Variants in PIK3C2A observed in about 807,000 individuals in gnomAD.
The protein encoded by PIK3C2A is phosphatidylinositol 4-phosphate 3-kinase C2 domain-containing subunit alpha.
A neutral mutation model predicts 204.5 loss-of-function variants in PIK3C2A; 97 were observed. The ratio of observed to expected loss-of-function variants is 0.47; its 90% CI spans 0.40 to 0.56. The LOEUF (loss-of-function observed/expected upper bound fraction) is 0.56, where lower values mean the gene tolerates loss of function less well. Ranked by LOEUF, PIK3C2A falls within the 20% of genes least tolerant of loss-of-function variation. PIK3C2A has a pLI of 0.00. For synonymous variants in PIK3C2A, 653 were observed against 664.4 expected (o/e 0.98, Z 0.26); for missense variants, 1,735 against 1,969.2 (o/e 0.88, Z 2.25).
intron 13 of PIK3C2A, among the ~76,000 whole-genome samples, chr11:17,125,636 T>C (rs531530791): frequency 6.6e-6 from 1 of 152,160 alleles, no homozygotes; most frequent in South Asian, 2.1e-4. Flanking sequence ...CGTCTCAGCC[T>C]CCCAAGTAGC....
intron 1 of PIK3C2A, chr11:17,194,500 C>G (rs988800024): frequency 6.5e-6 from 1 of 154,514 alleles, no homozygotes. Flanking sequence ...AAAAGAAAAA[C>G]TGAGTTTCTG....
chr11:17,143,853 C>T (rs1161952691), intron 8 of PIK3C2A, among the ~76,000 whole-genome samples: 1 of 152,062 alleles, frequency 6.6e-6, no homozygotes, highest in African/African-American at 2.4e-5. Flanking sequence ...GGGAGAATCA[C>T]CTGAACCCAG....
At chr11:17,175,945 C>T (rs908898917) in intron 1 of PIK3C2A, among the ~76,000 whole-genome samples, 2 of 151,758 alleles carry the variant, frequency 1.3e-5, no homozygotes, top group Non-Finnish European at 2.9e-5. Flanking sequence ...AGATATTTGT[C>T]CCCCCAAATG....
Position 17,103,979 on chromosome 11 carries a change from G to C in PIK3C2A, c.3682-1148C>G, listed in dbSNP as rs150099984. ...GATCACAAAGAAGTATGAAAAGGGA[G>C]TGATCTCACAGTTTAAAAGATCTAA... On this transcript the variant is annotated intron_variant, in intron 23 of 32. Transcript: ENST00000691414. 2.0e-5 allele frequency among the ~76,000 whole-genome samples: 3 copies of C among 152,280 alleles called. No homozygotes were observed. In the East Asian group the frequency reaches 5.8e-4, roughly 29 times the overall value.
chr11:17,122,948 G>A (rs1260118962), intron 13 of PIK3C2A, 135 bp from the exon 14 acceptor site: 1 of 559,438 alleles, frequency 1.8e-6, no homozygotes, highest in Non-Finnish European at 3.1e-6. Context: ...CATATCAGAA[G>A]GATTCACTCT....
intron 12 of PIK3C2A, among the ~76,000 whole-genome samples, chr11:17,131,675 C>T (rs1849700043): frequency 6.6e-6 from 1 of 152,110 alleles, no homozygotes; most frequent in African/African-American, 2.4e-5. Flanking sequence ...CCCGCCTTGG[C>T]CTCCCAAAGT....
intron 1 of PIK3C2A, among the ~76,000 whole-genome samples, chr11:17,189,467 T>G (rs1565302578): frequency 6.9e-6 from 1 of 145,718 alleles, no homozygotes; most frequent in Admixed American, 6.7e-5. Context: ...ATACAAAAAT[T>G]AGCTGGGCAT....
At chr11:17,126,813 C>T (rs892509038) in intron 13 of PIK3C2A, among the ~76,000 whole-genome samples, 4 of 152,106 alleles carry the variant, frequency 2.6e-5, no homozygotes, top group African/African-American at 9.7e-5. Context: ...AGTCAACTGC[C>T]CTTCACTTGA....
In PIK3C2A at chr11:17,089,428, T is replaced by C. The variant is rs1231368423; in HGVS notation, c.*310A>G. 4.8e-6 allele frequency: 1 copy of C among 207,826 alleles called. No homozygotes were observed. Among genetic ancestry groups the C allele is most frequent in the Non-Finnish European group, 9.6e-6 (1 of 104,518 alleles). 12.9% of individuals were successfully genotyped at this position (207,826 alleles called of 1,614,324 possible). A position where few individuals can be genotyped will look rare whatever the true frequency, so the allele number is the denominator to read the frequency against. On this transcript the variant is annotated 3_prime_UTR_variant, in exon 33 of 33. Transcript: ENST00000691414. ...TAGAAAACAATGCAAAATAGGTGGC[T>C]GAACTGACATAGTACTGTCTCAAAG... is the stretch of plus-strand genomic sequence containing the variant.
Position 17,188,692 on chromosome 11 carries a change from A to C in PIK3C2A, c.-65-18886T>G, listed in dbSNP as rs1337702588. Among the ~76,000 whole-genome samples the C allele has an allele frequency of 1.4e-5, 2 of 146,916 alleles. 1 individual carries two copies. Among genetic ancestry groups the C allele is most frequent in the African/African-American group, 5.5e-5 (2 of 36,552 alleles). On this transcript the variant is annotated intron_variant, in intron 1 of 32. Transcript: ENST00000691414. ...TCTCCTACAGGTCTTCACTAAATAC[A>C]CAGGTAGCACACTGAAAGCTGAAGA...
At chr11:17,207,338 G>T (rs533047201) in intron 1 of PIK3C2A, among the ~76,000 whole-genome samples, 1 of 152,134 alleles carries the variant, frequency 6.6e-6, no homozygotes, top group Non-Finnish European at 1.5e-5. Context: ...TGGGGGGTCC[G>T]GGAAGAAGAA....
chr11:17,139,568 C>A (rs557374109), intron 8 of PIK3C2A, among the ~76,000 whole-genome samples: 2 of 152,312 alleles, frequency 1.3e-5, no homozygotes, highest in South Asian at 2.1e-4. Context: ...CGTCTCCTGG[C>A]TGGCCCACGC....
At chr11:17,187,265 A>G (rs1851783636) in intron 1 of PIK3C2A, among the ~76,000 whole-genome samples, 2 of 152,234 alleles carry the variant, frequency 1.3e-5, no homozygotes, top group Admixed American at 1.3e-4. Flanking sequence ...CAAGGAACAG[A>G]GTATCCTAAG....
intron 22 of PIK3C2A, among the ~76,000 whole-genome samples, chr11:17,105,683 G>T (rs947690171): frequency 6.6e-6 from 1 of 152,174 alleles, no homozygotes; most frequent in Non-Finnish European, 1.5e-5. Context: ...TGCTGAGAAT[G>T]ATGGCTTCCA....
intron 20 of PIK3C2A, among the ~76,000 whole-genome samples, chr11:17,113,259 A>G (rs1454266191): frequency 6.6e-6 from 1 of 152,134 alleles, no homozygotes; most frequent in Non-Finnish European, 1.5e-5. Flanking sequence ...AGCATATATG[A>G]CTAAAATATC....
At chr11:17,151,725 T>C (rs747713485) in intron 3 of PIK3C2A, among the ~76,000 whole-genome samples, 1 of 152,202 alleles carries the variant, frequency 6.6e-6, no homozygotes, top group Non-Finnish European at 1.5e-5. Flanking sequence ...ATTTAGTTTA[T>C]AAAGCGTTTA....
intron 1 of PIK3C2A, among the ~76,000 whole-genome samples, chr11:17,203,934 C>T (rs1591034700): frequency 6.6e-6 from 1 of 151,988 alleles, no homozygotes; most frequent in African/African-American, 2.4e-5. Context: ...ATTAGCTGGG[C>T]GTGGTGGCGG....
chr11:17,095,405 C>T (rs1848422891), intron 27 of PIK3C2A, among the ~76,000 whole-genome samples: 2 of 131,772 alleles, frequency 1.5e-5, no homozygotes, highest in Admixed American at 8.1e-5. Context: ...GAAATCCTGT[C>T]TCTACTAAAA....
intron 2 of PIK3C2A, among the ~76,000 whole-genome samples, chr11:17,157,143 G>A (rs1433727404): frequency 1.3e-5 from 2 of 152,062 alleles, no homozygotes; most frequent in Non-Finnish European, 2.9e-5. Flanking sequence ...TTCCTCATTT[G>A]AGATATGAAT....
Sources: allele counts gnomAD v4.1 joint callset (sites outside exome capture counted in the v4.1 genomes callset), GRCh38; gene constraint gnomAD v4.1.1; transcripts MANE v1.5; gene names NCBI Gene and HGNC (gene_info 2026-07-23, HGNC 2026-07-21).